DOCK2: variants seen among roughly 807,000 people sequenced by gnomAD.
DOCK2 encodes the protein dedicator of cytokinesis protein 2.
Under a neutral mutation model 248.9 loss-of-function variants are expected in DOCK2, and 87 were observed. The ratio of observed to expected loss-of-function variants is 0.35; its 90% CI spans 0.29 to 0.42. DOCK2 has a LOEUF of 0.42. Ranked by LOEUF, DOCK2 falls within the 10% of genes least tolerant of loss-of-function variation. DOCK2 has a pLI of 1.00. For missense variants in DOCK2, 1,747 were observed against 2,300.2 expected, an observed-to-expected ratio of 0.76 and a Z score of 4.92; for synonymous variants, 805 against 821.6, an observed-to-expected ratio of 0.98 and a Z score of 0.35.
At chr5:169,851,160 A>C (rs2113372377) in intron 27 of DOCK2, among the ~76,000 whole-genome samples, 1 of 152,372 alleles carries the variant, frequency 6.6e-6, no homozygotes, top group Non-Finnish European at 1.5e-5. Flanking sequence ...AATGGAAAGA[A>C]CAAACTAATT....
intron 15 of DOCK2, among the ~76,000 whole-genome samples, chr5:169,711,225 G>T (rs1241138196): frequency 6.6e-6 from 1 of 152,166 alleles, no homozygotes; most frequent in Non-Finnish European, 1.5e-5. Flanking sequence ...CTTCTCTCAG[G>T]TAGCTAACCT....
chr5:170,008,218 ACAAC>A (rs770243180), intron 30 of DOCK2, among the ~76,000 whole-genome samples: 17 of 89,062 alleles, frequency 1.9e-4, no homozygotes, highest in African/African-American at 8.5e-4. Flanking sequence ...AACAACAACA[ACAAC>A]AACAAAAAAA....
At chr5:170,055,621 C>T (rs1022521841) in intron 42 of DOCK2, among the ~76,000 whole-genome samples, 3 of 152,262 alleles carry the variant, frequency 2.0e-5, no homozygotes, top group African/African-American at 7.2e-5. Context: ...TCAGCAAATC[C>T]TCAGCAAGCA....
chr5:169,741,001 A>C (rs1011974843), intron 22 of DOCK2, among the ~76,000 whole-genome samples: 4 of 151,842 alleles, frequency 2.6e-5, no homozygotes, highest in African/African-American at 9.7e-5. Flanking sequence ...ACACCTAGCT[A>C]ATTTTTGTAT....
intron 27 of DOCK2, among the ~76,000 whole-genome samples, chr5:169,953,038 T>G (rs1287153871): frequency 6.6e-6 from 1 of 152,116 alleles, no homozygotes; most frequent in African/African-American, 2.4e-5. Context: ...AAAAGAGAAT[T>G]TGGGGCCAGG....
intron 28 of DOCK2, among the ~76,000 whole-genome samples, chr5:169,985,367 GT>G (rs1778041233): frequency 6.7e-6 from 1 of 149,962 alleles, no homozygotes. Context: ...GTGTGTGTGT[GT>G]GTGTGTGTGT....
intron 49 of DOCK2, 171 bp from the exon 50 acceptor site, chr5:170,079,992 C>T: frequency 8.7e-7 from 1 of 1,145,910 alleles, no homozygotes; most frequent in Admixed American, 2.7e-5. Context: ...CCTGTGCAAC[C>T]ATATGTGGCA....
At chr5:169,914,507 A>C (rs1242923954) in intron 27 of DOCK2, among the ~76,000 whole-genome samples, 4 of 152,222 alleles carry the variant, frequency 2.6e-5, no homozygotes, top group Non-Finnish European at 5.9e-5. Context: ...CTGAACTTGG[A>C]TTCAAAAGAC....
At position 169,874,392 on chromosome 5, in the gene DOCK2, G is replaced by A. The variant is rs143073641; in HGVS notation, c.2799+33540G>A. Among the ~76,000 whole-genome samples, 768 of 129,720 alleles carry A rather than the reference G, an allele frequency of 5.9e-3. 7 individuals are homozygous for A. The highest frequency in any genetic ancestry group is 0.021 in the African/African-American group (735 of 35,362). 85.1% of individuals were successfully genotyped at this position (129,720 alleles called of 152,430 possible). On this transcript the variant is annotated intron_variant, in intron 27 of 51. Coordinates refer to ENST00000520908, the MANE Select transcript of DOCK2 (RefSeq NM_004946.3). ...TGTGCAACTGCACTCCAGCCTAGGC[G>A]ACAGTGAGACTCTGTCTCAAAAAAA...
chr5:169,697,008 T>C (rs1760671917), intron 10 of DOCK2, among the ~76,000 whole-genome samples: 1 of 152,122 alleles, frequency 6.6e-6, no homozygotes, highest in Non-Finnish European at 1.5e-5. Context: ...TCTGACATCA[T>C]GGTGTTTCTG....
intron 27 of DOCK2, among the ~76,000 whole-genome samples, chr5:169,930,967 C>T (rs528470153): frequency 1.3e-5 from 2 of 152,334 alleles, no homozygotes; most frequent in South Asian, 2.1e-4. Flanking sequence ...TTACAAGGTG[C>T]TCCTGCACAG....
At chr5:169,851,457 A>G (rs1770613638) in intron 27 of DOCK2, among the ~76,000 whole-genome samples, 1 of 152,156 alleles carries the variant, frequency 6.6e-6, no homozygotes, top group African/African-American at 2.4e-5. Context: ...TAAGATAGCT[A>G]CTGCATTCTC....
rs1767110853 is a variant in DOCK2, at chr5:169,803,219, G to A, written c.2703+13G>A. 3 of 1,610,752 alleles carry A rather than the reference G, an allele frequency of 1.9e-6. No homozygotes were observed. Among genetic ancestry groups the A allele is most frequent in the African/African-American group, 2.7e-5 (2 of 74,744 alleles). ...CTACCAGGATGCGGTGAGTCCTCCT[G>A]ATGATGTAGATATCCTGGACTCAGA... is the stretch of plus-strand genomic sequence containing the variant. On this transcript the variant is annotated intron_variant, in intron 26 of 51. Coordinates refer to ENST00000520908, the MANE Select transcript of DOCK2 (RefSeq NM_004946.3).
At chr5:170,041,220 A>G in intron 37 of DOCK2, 75 bp downstream of exon 37, 2 of 1,293,670 alleles carry the variant, frequency 1.5e-6, no homozygotes, top group Non-Finnish European at 2.2e-6. Flanking sequence ...AGAGTGAAAA[A>G]AGAAAAAAAA....
intron 27 of DOCK2, among the ~76,000 whole-genome samples, chr5:169,903,046 T>C (rs558676670): frequency 5.3e-5 from 8 of 151,536 alleles, no homozygotes; most frequent in Middle Eastern, 3.4e-3. Context: ...TGCAGTGAGC[T>C]GAGATCACGC....
At chr5:170,033,004 T>C (rs918492714) in intron 34 of DOCK2, among the ~76,000 whole-genome samples, 5 of 152,218 alleles carry the variant, frequency 3.3e-5, no homozygotes, top group African/African-American at 1.2e-4. Flanking sequence ...ATTGGCTTGA[T>C]TCAACTTACT....
intron 26 of DOCK2, among the ~76,000 whole-genome samples, chr5:169,836,666 A>C (rs1403758030): frequency 6.6e-6 from 1 of 151,284 alleles, no homozygotes; most frequent in African/African-American, 2.4e-5. Context: ...AATAAAAACA[A>C]AACAATGTCA....
In DOCK2 at chr5:170,060,538, T is replaced by C. The variant is rs570320005; in HGVS notation, c.4467+2872T>C. Among the ~76,000 whole-genome samples, 18 of 152,314 alleles carry C rather than the reference T, an allele frequency of 1.2e-4. No individual in the cohort carries two copies. The South Asian group carries it at 3.7e-3, about 32-fold the overall frequency. Reference sequence around the variant, plus strand: ...TGGTTTGGCTTGCAGTTCTCCAAGTTTTTTGTCCTGATTCTTCCTGGTTCT... The same window carrying C: ...TGGTTTGGCTTGCAGTTCTCCAAGTCTTTTGTCCTGATTCTTCCTGGTTCT... On this transcript the variant is annotated intron_variant, in intron 44 of 51. Transcript: ENST00000520908.
rs548344833 is a variant in DOCK2, at chr5:169,698,288, C to A, written c.980-86C>A. On this transcript the variant is annotated intron_variant, in intron 10 of 51. Transcript: ENST00000520908. ...GACCCCCAGGCATCCCAGGCTCTAC[C>A]TCCTGTCCCATAAGCTCATCCCACT... The A allele has an allele frequency of 1.4e-3, 1,974 of 1,404,126 alleles. 2 individuals carry two copies. Among genetic ancestry groups the A allele is most frequent in the Non-Finnish European group, 1.8e-3 (1,818 of 1,003,032 alleles). The allele number at this position is 1,404,126 out of a possible 1,614,324, so 87.0% of individuals were successfully genotyped here.
Sources: allele counts gnomAD v4.1 joint callset (sites outside exome capture counted in the v4.1 genomes callset), GRCh38; gene constraint gnomAD v4.1.1; transcripts MANE v1.5; gene names NCBI Gene and HGNC (gene_info 2026-07-23, HGNC 2026-07-21).